LINGO2: variants seen among roughly 807,000 people sequenced by gnomAD.
The protein encoded by LINGO2 is leucine rich repeat and Ig domain containing 2, also known as leucine-rich repeat and immunoglobulin-like domain-containing nogo receptor-interacting protein 2.
In LINGO2, 14 loss-of-function variants were observed where a neutral mutation model predicts 30.6. That is an observed-to-expected ratio of 0.46 (90% CI 0.30 to 0.72). The LOEUF (loss-of-function observed/expected upper bound fraction) is 0.72, where lower values mean the gene tolerates loss of function less well. LINGO2 is among the 30% of genes least tolerant of loss of function. The probability of loss-of-function intolerance (pLI) is 0.07; values close to 1 mark genes in which losing one functional copy is unlikely to be tolerated. For synonymous variants in LINGO2, 317 were observed against 288.5 expected, an observed-to-expected ratio of 1.10 and a Z score of -1.00; for missense variants, 729 against 751.7, an observed-to-expected ratio of 0.97 and a Z score of 0.35.
At chr9:28,715,616 A>C in the LINGO2 span, among the ~76,000 whole-genome samples, 1 of 152,170 alleles carries the variant, frequency 6.6e-6, no homozygotes, top group Admixed American at 6.5e-5. Context: ...GTTTAGTAAA[A>C]CCAGAAGGTC....
chr9:28,552,055 C>T (rs757326846), intron 1 of LINGO2, among the ~76,000 whole-genome samples: 4 of 151,908 alleles, frequency 2.6e-5, no homozygotes, highest in Non-Finnish European at 4.4e-5. Context: ...TAGTAATAAT[C>T]GCTAACTGTC....
At chr9:28,489,028 A>G (rs2135257789) in intron 1 of LINGO2, among the ~76,000 whole-genome samples, 1 of 152,302 alleles carries the variant, frequency 6.6e-6, no homozygotes, top group South Asian at 2.1e-4. Flanking sequence ...CCGAGGCTTC[A>G]AGAACTGCAA....
chr9:27,995,502 A>G (rs1036882031), intron 5 of LINGO2, among the ~76,000 whole-genome samples: 1 of 152,176 alleles, frequency 6.6e-6, no homozygotes, highest in Non-Finnish European at 1.5e-5. Flanking sequence ...AGCAAACCAA[A>G]TTGAACAACA....
At chr9:28,288,790 T>G (rs894435583) in intron 4 of LINGO2, among the ~76,000 whole-genome samples, 31 of 152,150 alleles carry the variant, frequency 2.0e-4, no homozygotes, top group Non-Finnish European at 3.7e-4. Flanking sequence ...TGTGAAGAGT[T>G]ACATAGGTGA....
chr9:28,495,984 A>G (rs1819608851), intron 1 of LINGO2, among the ~76,000 whole-genome samples: 1 of 152,022 alleles, frequency 6.6e-6, no homozygotes, highest in Non-Finnish European at 1.5e-5. Context: ...TGAGTTTCTT[A>G]AAACCTGAGT....
the LINGO2 span, among the ~76,000 whole-genome samples, chr9:29,213,090 G>A: frequency 6.6e-6 from 1 of 152,146 alleles, no homozygotes; most frequent in South Asian, 2.1e-4. Flanking sequence ...CCATAGAGGC[G>A]CCTCCAAGCC....
At chr9:28,749,119 C>T in the LINGO2 span, among the ~76,000 whole-genome samples, 1 of 151,984 alleles carries the variant, frequency 6.6e-6, no homozygotes, top group Non-Finnish European at 1.5e-5. Context: ...TTGTTTATTA[C>T]TTCATTCCAA....
intron 4 of LINGO2, among the ~76,000 whole-genome samples, chr9:28,268,007 A>C (rs1164086457): frequency 2.0e-5 from 3 of 152,114 alleles, no homozygotes; most frequent in African/African-American, 7.2e-5. Flanking sequence ...GAAAGTACTC[A>C]GAATAATGCC....
intron 2 of LINGO2, among the ~76,000 whole-genome samples, chr9:28,412,102 C>T (rs1285321127): frequency 6.6e-6 from 1 of 150,642 alleles, no homozygotes; most frequent in Non-Finnish European, 1.5e-5. Context: ...TTCTCCCTCC[C>T]CTCTTCTGAT....
chr9:28,208,441 G>A (rs902169654), intron 4 of LINGO2, among the ~76,000 whole-genome samples: 1 of 152,006 alleles, frequency 6.6e-6, no homozygotes. Flanking sequence ...ACTGCAATCT[G>A]CTATTTAAGG....
At chr9:27,980,130 AG>A (rs1274295397) in intron 5 of LINGO2, among the ~76,000 whole-genome samples, 2 of 151,972 alleles carry the variant, frequency 1.3e-5, no homozygotes, top group East Asian at 1.9e-4. Flanking sequence ...TGAGAAAGAA[AG>A]GTGCAAAGGA....
chr9:29,110,484 C>T, the LINGO2 span, among the ~76,000 whole-genome samples: 310 of 151,832 alleles, frequency 2.0e-3, 2 homozygotes, highest in Non-Finnish European at 3.2e-3. Context: ...AGGCGCCCGC[C>T]GCCACGCCCG....
At chr9:27,969,242 CT>C (rs1417685929) in intron 5 of LINGO2, among the ~76,000 whole-genome samples, 1 of 152,010 alleles carries the variant, frequency 6.6e-6, no homozygotes, top group Non-Finnish European at 1.5e-5. Context: ...CAGGCTTTAA[CT>C]TAGCCACTTC....
chr9:28,148,553 C>G lies in LINGO2; in HGVS notation c.-86-136148G>C. On this transcript the variant is annotated intron_variant, in intron 4 of 5. Transcript: ENST00000379992. The surrounding 1 kb of genome is among the most constrained non-coding windows in gnomAD (Gnocchi z 5.1). ...TGGGGAAGCAGCTTCCACCTCTAGG[C>G]CCCTGGAGACTCAGGGAAACTTCAC... is the stretch of plus-strand genomic sequence containing the variant. 1.3e-6 allele frequency: 2 copies of G among 1,489,878 alleles called. No individual in the cohort carries two copies. Among genetic ancestry groups the G allele is most frequent in the South Asian group, 1.2e-5 (1 of 83,020 alleles). 92.3% of individuals were successfully genotyped at this position (1,489,878 alleles called of 1,614,324 possible).
chr9:28,196,749 A>G (rs1820027559), intron 4 of LINGO2, among the ~76,000 whole-genome samples: 2 of 151,968 alleles, frequency 1.3e-5, no homozygotes, highest in South Asian at 4.1e-4. Context: ...ATTTATATCT[A>G]AAGGTTACCT....
intron 1 of LINGO2, among the ~76,000 whole-genome samples, chr9:28,621,250 C>G (rs1826377040): frequency 6.6e-6 from 1 of 151,792 alleles, no homozygotes; most frequent in African/African-American, 2.4e-5. Flanking sequence ...ATGATTACCA[C>G]TAACTATAAA....
chr9:27,954,097 A>G (rs1345470266), intron 5 of LINGO2, among the ~76,000 whole-genome samples: 2 of 152,216 alleles, frequency 1.3e-5, no homozygotes, highest in African/African-American at 4.8e-5. Flanking sequence ...ATTTGTACGT[A>G]TTTATGTAAC....
intron 3 of LINGO2, among the ~76,000 whole-genome samples, chr9:28,354,660 C>A (rs1035581476): frequency 6.6e-6 from 1 of 152,162 alleles, no homozygotes; most frequent in Non-Finnish European, 1.5e-5. Flanking sequence ...AACACAACAA[C>A]CCTGTACACA....
chr9:28,805,447 A>G, the LINGO2 span, among the ~76,000 whole-genome samples: 22 of 152,252 alleles, frequency 1.4e-4, no homozygotes, highest in Non-Finnish European at 2.9e-4. Flanking sequence ...TGGCTTCTCT[A>G]TATCTATCTA....
Sources: gnomAD v4.1 joint callset for allele counts (sites outside exome capture counted in the v4.1 genomes callset) on GRCh38, gnomAD v4.1.1 for gene constraint, Gnocchi (gnomAD v3.1) non-coding constraint, MANE v1.5 for transcripts, NCBI Gene and HGNC (gene_info 2026-07-23, HGNC 2026-07-21) for gene names.